Variants in UTS2B observed in about 807,000 individuals in gnomAD.
The protein encoded by UTS2B is urotensin-2B.
UTS2B carries 21 observed loss-of-function variants against 19.2 expected under a neutral mutation model. The observed-to-expected ratio is 1.09, with a 90% confidence interval of 0.78 to 1.58. UTS2B has a LOEUF of 1.58. UTS2B is among the 40% of genes most tolerant of loss of function. The pLI, the probability that UTS2B is intolerant of heterozygous loss-of-function variation, is 0.00. For missense variants in UTS2B, 138 were observed against 130.3 expected, an observed-to-expected ratio of 1.06 and a Z score of -0.29; for synonymous variants, 57 against 50.2, an observed-to-expected ratio of 1.14 and a Z score of -0.58.
the UTS2B span, among the ~76,000 whole-genome samples, chr3:191,337,657 G>GA: frequency 4.0e-5 from 6 of 150,048 alleles, no homozygotes; most frequent in South Asian, 6.3e-4. Context: ...TTTTTAAGAA[G>GA]AAAAAAAAAT....
intron 8 of UTS2B, among the ~76,000 whole-genome samples, chr3:191,271,200 CAAAAAAAA>C (rs66756396): frequency 2.1e-4 from 11 of 52,768 alleles, no homozygotes; most frequent in Non-Finnish European, 2.4e-4. Flanking sequence ...GAGACTCTCT[CAAAAAAAA>C]AAAAAAAAAA....
intron 2 of UTS2B, among the ~76,000 whole-genome samples, chr3:191,325,438 CCT>C (rs1717720507): frequency 6.6e-6 from 1 of 152,008 alleles, no homozygotes; most frequent in Non-Finnish European, 1.5e-5. Flanking sequence ...CCAGGTGACC[CCT>C]GAGTTCCAGT....
chr3:191,300,057 AT>A (rs1716954813), intron 4 of UTS2B, among the ~76,000 whole-genome samples: 1 of 148,156 alleles, frequency 6.7e-6, no homozygotes, highest in Non-Finnish European at 1.5e-5. Flanking sequence ...ACATATATAC[AT>A]TTTTTCTTTG....
chr3:191,284,326 C>A (rs1716474148), intron 4 of UTS2B, among the ~76,000 whole-genome samples: 1 of 151,746 alleles, frequency 6.6e-6, no homozygotes, highest in Non-Finnish European at 1.5e-5. Flanking sequence ...CTTTTCTTTT[C>A]TTTTCCTTTT....
At chr3:191,283,601 T>C (rs901479837) in intron 4 of UTS2B, among the ~76,000 whole-genome samples, 1 of 152,228 alleles carries the variant, frequency 6.6e-6, no homozygotes, top group African/African-American at 2.4e-5. Context: ...TCTGTCCCTA[T>C]GTGCAAGTAC....
chr3:191,304,840 A>C (rs1717094678), intron 3 of UTS2B, among the ~76,000 whole-genome samples: 1 of 151,972 alleles, frequency 6.6e-6, no homozygotes, highest in Non-Finnish European at 1.5e-5. Flanking sequence ...CCACCCTCCA[A>C]CAGGCCCCAG....
At chr3:191,316,558 C>T (rs1389380472) in intron 2 of UTS2B, 119 bp from the exon 3 acceptor site, 1 of 152,240 alleles carries the variant, frequency 6.6e-6, no homozygotes, top group East Asian at 1.9e-4. Flanking sequence ...TCCTGCTGAT[C>T]GGTACATTTT....
chr3:191,326,621 A>T (rs1432074404), intron 2 of UTS2B, among the ~76,000 whole-genome samples: 1 of 152,188 alleles, frequency 6.6e-6, no homozygotes, highest in Non-Finnish European at 1.5e-5. Context: ...CAAATTAGGG[A>T]TCTGTATCCA....
intron 2 of UTS2B, among the ~76,000 whole-genome samples, chr3:191,327,547 C>T (rs1576940267): frequency 6.6e-6 from 1 of 152,094 alleles, no homozygotes; most frequent in East Asian, 1.9e-4. Context: ...GGAAAAGAGG[C>T]CTCTACACAG....
At chr3:191,337,222 T>C in the UTS2B span, among the ~76,000 whole-genome samples, 1 of 152,190 alleles carries the variant, frequency 6.6e-6, no homozygotes, top group Non-Finnish European at 1.5e-5. Flanking sequence ...TTTAAAAAAC[T>C]TTGTTATTTA....
intron 4 of UTS2B, among the ~76,000 whole-genome samples, chr3:191,302,541 C>G (rs577964989): frequency 2.0e-5 from 3 of 152,200 alleles, no homozygotes; most frequent in African/African-American, 2.4e-5. Context: ...TGTGGCCTCC[C>G]AGGCTGAAAC....
chr3:191,287,557 CTT>C (rs1214178068), intron 4 of UTS2B, among the ~76,000 whole-genome samples: 1 of 151,852 alleles, frequency 6.6e-6, no homozygotes, highest in African/African-American at 2.4e-5. Context: ...ATGATAAAAA[CTT>C]TCATGATAAA....
intron 4 of UTS2B, among the ~76,000 whole-genome samples, chr3:191,297,507 T>C (rs1467956591): frequency 6.6e-6 from 1 of 152,242 alleles, no homozygotes; most frequent in East Asian, 1.9e-4. Context: ...CTTGATTCTC[T>C]TTTTAGGACA....
At position 191,276,808 on chromosome 3, in the gene UTS2B, T is replaced by G; in HGVS notation, c.239A>C (p.Gln80Pro). The change falls in exon 7 of 9, where the codon CAG becomes CCG. Residue 80 changes from glutamine to proline, a missense_variant and splice_region_variant. Physicochemically the swap from Gln to Pro is moderately conservative, Grantham distance 76. Transcript: ENST00000340524. ...ALPNKLEELN[Q>P]LEKLKEQLVE... is the part of the protein sequence containing the mutation. ...CATTTAAGTATTTCACATTCTCACC[T>G]GGTTAAGTTCTTCCAGTTTGTTAGG... 1 of 1,611,782 alleles carries G rather than the reference T, an allele frequency of 6.2e-7. No homozygotes were observed. Among genetic ancestry groups the G allele is most frequent in the African/African-American group, 1.3e-5 (1 of 75,004 alleles).
chr3:191,278,131 T>G lies in UTS2B; in HGVS notation c.143A>C (p.Glu48Ala). 1 of 1,564,436 alleles carries G rather than the reference T, an allele frequency of 6.4e-7. No homozygotes were observed. The change falls in exon 6 of 9, where the codon GAG (glutamate) becomes GCG (alanine). Residue 48 changes from glutamate to alanine, a missense_variant. Coordinates refer to ENST00000340524, the MANE Select transcript of UTS2B (RefSeq NM_198152.5). Reference protein sequence around the residue: ...IFPDKKYTNREELLLALLNKN... With the variant: ...IFPDKKYTNRAELLLALLNKN... ...ATTCAGTAGAGCCAGCAATAGTTCC[T>G]CACGATTTGTATATTTTTTATCTGG...
At chr3:191,336,317 C>T in the UTS2B span, among the ~76,000 whole-genome samples, 1 of 152,098 alleles carries the variant, frequency 6.6e-6, no homozygotes, top group Non-Finnish European at 1.5e-5. Context: ...TCCTTGCTGG[C>T]ATTTGATATT....
At chr3:191,328,429 T>G (rs991742020) in intron 2 of UTS2B, 4 of 152,394 alleles carry the variant, frequency 2.6e-5, no homozygotes, top group African/African-American at 9.6e-5. Context: ...GTCTTCAGTT[T>G]GGCCTCATCA....
At chr3:191,275,801 G>C (rs1716221826) in intron 7 of UTS2B, among the ~76,000 whole-genome samples, 1 of 151,678 alleles carries the variant, frequency 6.6e-6, no homozygotes, top group Non-Finnish European at 1.5e-5. Context: ...GAAAAAGGGG[G>C]AAATAGAAAC....
intron 4 of UTS2B, among the ~76,000 whole-genome samples, chr3:191,296,990 A>G (rs1560139822): frequency 1.3e-5 from 2 of 152,356 alleles, no homozygotes; most frequent in East Asian, 3.9e-4. Context: ...AGAACAGGCA[A>G]TAAACTGTAA....
Sources: allele counts gnomAD v4.1 joint callset (sites outside exome capture counted in the v4.1 genomes callset), GRCh38; gene constraint gnomAD v4.1.1; transcripts MANE v1.5; gene names NCBI Gene and HGNC (gene_info 2026-07-23, HGNC 2026-07-21).